The following PCDHA5 variants were observed in gnomAD, a reference collection of about 807,000 sequenced individuals.
PCDHA5 encodes the protein protocadherin alpha-5.
Under a neutral mutation model 61.6 loss-of-function variants are expected in PCDHA5, and 43 were observed. The observed-to-expected ratio is 0.70, with a 90% CI of 0.55 to 0.90. The LOEUF (loss-of-function observed/expected upper bound fraction) is 0.90. Among genes scored for constraint, PCDHA5 ranks in the 40% least tolerant of loss-of-function variants. PCDHA5 has a pLI of 0.00. For synonymous variants in PCDHA5, 627 were observed against 543.9 expected (o/e 1.15, Z -2.13); for missense variants, 1,298 against 1,222.7 (o/e 1.06, Z -0.92).
chr5:140,876,467 G>T, intron 1 of PCDHA5: 1 of 1,614,020 alleles, frequency 6.2e-7, no homozygotes, highest in Non-Finnish European at 8.5e-7. Flanking sequence ...TCCATGGCAG[G>T]TCACAGCATG....
At chr5:140,830,057 G>A (rs2150180399) in intron 1 of PCDHA5, 3 of 1,613,632 alleles carry the variant, frequency 1.9e-6, no homozygotes, top group Non-Finnish European at 2.5e-6. Flanking sequence ...AGACCACGGT[G>A]AGCCGGCGCT....
chr5:140,927,897 T>A, intron 1 of PCDHA5: 1 of 1,614,204 alleles, frequency 6.2e-7, no homozygotes, highest in African/African-American at 1.3e-5. Flanking sequence ...ACGTGAACGA[T>A]CATGCCCCCG....
intron 1 of PCDHA5, among the ~76,000 whole-genome samples, chr5:140,949,801 C>T (rs964520875): frequency 6.6e-5 from 10 of 151,836 alleles, no homozygotes; most frequent in African/African-American, 2.4e-4. Context: ...TCCTTCAATA[C>T]ATTATTTGCT....
intron 1 of PCDHA5, among the ~76,000 whole-genome samples, chr5:140,975,369 T>G (rs2096664514): frequency 6.6e-6 from 1 of 152,230 alleles, no homozygotes; most frequent in Admixed American, 6.5e-5. Flanking sequence ...CATAGCATAA[T>G]GTAATCATGG....
At chr5:140,869,837 C>G (rs374182289) in intron 1 of PCDHA5, 1 of 1,611,484 alleles carries the variant, frequency 6.2e-7, no homozygotes, top group African/African-American at 1.3e-5. Context: ...TTTGATAAAT[C>G]AGAATATAAG....
chr5:140,917,937 T>C (rs2078442259), intron 1 of PCDHA5, among the ~76,000 whole-genome samples: 1 of 152,186 alleles, frequency 6.6e-6, no homozygotes, highest in Non-Finnish European at 1.5e-5. Flanking sequence ...AAAAATAATA[T>C]TGGTAGTTTG....
At chr5:140,949,825 C>G (rs1321892793) in intron 1 of PCDHA5, among the ~76,000 whole-genome samples, 2 of 151,748 alleles carry the variant, frequency 1.3e-5, no homozygotes, top group African/African-American at 4.8e-5. Flanking sequence ...TATTTGTCCC[C>G]TCTGATTTTG....
chr5:140,981,459 A>C (rs1267670163), intron 2 of PCDHA5, among the ~76,000 whole-genome samples: 1 of 152,176 alleles, frequency 6.6e-6, no homozygotes, highest in Non-Finnish European at 1.5e-5. Context: ...CTGTAGTCCC[A>C]GCTACTTGGG....
chr5:140,844,144 A>G (rs1289976032), intron 1 of PCDHA5, among the ~76,000 whole-genome samples: 1 of 149,504 alleles, frequency 6.7e-6, no homozygotes, highest in Non-Finnish European at 1.5e-5. Context: ...TGTTGTCTTT[A>G]TATTTACTTT....
At chr5:140,854,919 A>G (rs1554147504) in intron 1 of PCDHA5, among the ~76,000 whole-genome samples, 1 of 150,004 alleles carries the variant, frequency 6.7e-6, no homozygotes, top group African/African-American at 2.4e-5. Context: ...GGTTGAAAGC[A>G]TTTGCCTCTG....
intron 1 of PCDHA5, among the ~76,000 whole-genome samples, chr5:140,885,154 T>C (rs1483016887): frequency 2.0e-5 from 3 of 152,168 alleles, no homozygotes; most frequent in African/African-American, 7.2e-5. Context: ...GTTTTGATTG[T>C]CTCTACTTTT....
intron 1 of PCDHA5, chr5:140,856,664 C>T (rs782626089): frequency 6.3e-7 from 1 of 1,598,020 alleles, no homozygotes; most frequent in Non-Finnish European, 8.6e-7. Context: ...AGAAAATCCT[C>T]AGCTAAAGTT....
At chr5:140,905,351 TTGACTA>T (rs2071764307) in intron 1 of PCDHA5, among the ~76,000 whole-genome samples, 1 of 152,208 alleles carries the variant, frequency 6.6e-6, no homozygotes, top group Non-Finnish European at 1.5e-5. Context: ...CTGTAAGTAT[TTGACTA>T]TATTTCTGGT....
chr5:140,900,653 T>C (rs1163740859), intron 1 of PCDHA5, among the ~76,000 whole-genome samples: 1 of 152,220 alleles, frequency 6.6e-6, no homozygotes, highest in Non-Finnish European at 1.5e-5. Flanking sequence ...ACTGCTGCAA[T>C]GAACAATGGG....
chr5:140,879,685 A>G (rs2058084553), intron 1 of PCDHA5, among the ~76,000 whole-genome samples: 1 of 152,266 alleles, frequency 6.6e-6, no homozygotes, highest in East Asian at 1.9e-4. Flanking sequence ...GCTGTAAAAC[A>G]GCAAAAGTTT....
intron 3 of PCDHA5, among the ~76,000 whole-genome samples, chr5:140,995,073 C>A (rs2097663037): frequency 6.6e-6 from 1 of 152,180 alleles, no homozygotes; most frequent in Non-Finnish European, 1.5e-5. Context: ...CAACCTACAG[C>A]AATCCAAACT....
chr5:140,897,304 G>A (rs1297881439), intron 1 of PCDHA5, among the ~76,000 whole-genome samples: 1 of 150,768 alleles, frequency 6.6e-6, no homozygotes, highest in Non-Finnish European at 1.5e-5. Flanking sequence ...TTTAGCATTA[G>A]GTATATCTCC....
At chr5:140,867,055 T>C (rs1177939308) in intron 1 of PCDHA5, 3 of 152,170 alleles carry the variant, frequency 2.0e-5, no homozygotes, top group African/African-American at 7.2e-5. Flanking sequence ...TGTTCAGTAC[T>C]ACTTTATATA....
intron 3 of PCDHA5, among the ~76,000 whole-genome samples, chr5:141,007,395 CAAA>C (rs35800918): frequency 0.057 from 5,421 of 94,854 alleles, 127 homozygotes; most frequent in South Asian, 0.13. Context: ...TACTAAAATA[CAAA>C]AAAAAAAAAA....
Sources: allele counts gnomAD v4.1 joint callset (sites outside exome capture counted in the v4.1 genomes callset), GRCh38; gene constraint gnomAD v4.1.1; transcripts MANE v1.5; gene names NCBI Gene and HGNC (gene_info 2026-07-23, HGNC 2026-07-21).